The following GTF2E2 variants were observed in gnomAD, a reference collection of about 807,000 sequenced individuals.
GTF2E2 encodes transcription initiation factor IIE subunit beta.
GTF2E2 carries 21 observed loss-of-function variants against 40.5 expected under a neutral mutation model. The ratio of observed to expected loss-of-function variants is 0.52; its 90% CI spans 0.37 to 0.75. The LOEUF (loss-of-function observed/expected upper bound fraction) is 0.75. GTF2E2 is among the 30% of genes least tolerant of loss of function. The pLI is 0.00. For synonymous variants in GTF2E2, 117 were observed against 121.6 expected, an observed-to-expected ratio of 0.96 and a Z score of 0.25; for missense variants, 298 against 338.4, an observed-to-expected ratio of 0.88 and a Z score of 0.94.
rs1278224232 is a variant in GTF2E2, at chr8:30,600,479, T to C, written c.643+6578A>G. Among the ~76,000 whole-genome samples the C allele has an allele frequency of 2.0e-5, 3 of 152,218 alleles. 1 individual carries two copies. The highest frequency in any genetic ancestry group is 7.2e-5 in the African/African-American group (3 of 41,452). On this transcript the variant is annotated intron_variant, in intron 6 of 7. Transcript: ENST00000355904. ...CTCAAAGACAATGAGGTAACAATAC[T>C]ATTATTTCTATTTTACAGATGAGGA...
In GTF2E2 at chr8:30,658,126, G is replaced by A; in HGVS notation, c.-158C>T. On this transcript the variant is annotated 5_prime_UTR_variant, in exon 1 of 8. Coordinates refer to ENST00000355904, the MANE Select transcript of GTF2E2 (RefSeq NM_002095.6). ...GCCCAGCGCTGACCCGCCAGGTCGG[G>A]GTCTCACCACTGGCGGTGGCGGCGG... is the stretch of plus-strand genomic sequence containing the variant. 2 of 186,146 alleles carry A rather than the reference G, an allele frequency of 1.1e-5. No individual in the cohort carries two copies. Among genetic ancestry groups the A allele is most frequent in the South Asian group, 1.7e-4 (2 of 11,740 alleles). The allele number at this position is 186,146 out of a possible 1,614,324, so 11.5% of individuals were successfully genotyped here.
At chr8:30,610,500 G>A (rs1276893240) in intron 5 of GTF2E2, among the ~76,000 whole-genome samples, 3 of 147,070 alleles carry the variant, frequency 2.0e-5, no homozygotes, top group African/African-American at 5.0e-5. Context: ...CTGGCATGAA[G>A]AAAGACATAC....
chr8:30,588,049 T>C (rs747290221), intron 6 of GTF2E2, among the ~76,000 whole-genome samples: 1 of 152,174 alleles, frequency 6.6e-6, no homozygotes, highest in Admixed American at 6.6e-5. Context: ...TGAGAATGGT[T>C]ATCCTCAAAA....
intron 3 of GTF2E2, among the ~76,000 whole-genome samples, chr8:30,628,608 G>C (rs1038690576): frequency 6.6e-6 from 1 of 152,172 alleles, no homozygotes; most frequent in Non-Finnish European, 1.5e-5. Flanking sequence ...CTACTAATTT[G>C]CTGCAAGTTT....
chr8:30,602,347 A>G (rs1265741796), intron 6 of GTF2E2, among the ~76,000 whole-genome samples: 1 of 152,188 alleles, frequency 6.6e-6, no homozygotes, highest in Non-Finnish European at 1.5e-5. Context: ...TAAAAAATAT[A>G]TTTTAAAGAA....
At chr8:30,579,246 G>A (rs538768762) in intron 7 of GTF2E2, among the ~76,000 whole-genome samples, 5 of 152,082 alleles carry the variant, frequency 3.3e-5, no homozygotes, top group African/African-American at 7.2e-5. Flanking sequence ...GATGCCATCG[G>A]GAATGAAGGA....
At chr8:30,650,767 G>C (rs1377660618) in intron 2 of GTF2E2, among the ~76,000 whole-genome samples, 1 of 151,884 alleles carries the variant, frequency 6.6e-6, no homozygotes, top group Non-Finnish European at 1.5e-5. Context: ...TGTAATCCCA[G>C]CACTTTGGGA....
chr8:30,653,451 C>T lies in GTF2E2; in HGVS notation c.148G>A (p.Gly50Ser), dbSNP rs1802351546. The change falls in exon 2 of 8, where the codon GGC becomes AGC. Residue 50 changes from glycine to serine, a missense_variant. Coordinates refer to ENST00000355904, the MANE Select transcript of GTF2E2 (RefSeq NM_002095.6). ...KTKVEHGGSS[G>S]SKQNSDHSNG... ...TACTAACCAGAATTTTGTTTAGAGC[C>T]TGACGATCCTCCATGTTCTACCTTT... 1 of 1,613,388 alleles carries T rather than the reference C, an allele frequency of 6.2e-7. No individual in the cohort carries two copies. The highest frequency in any genetic ancestry group is 8.5e-7 in the Non-Finnish European group (1 of 1,179,646).
At chr8:30,628,206 C>A (rs1801340743) in intron 3 of GTF2E2, among the ~76,000 whole-genome samples, 1 of 152,134 alleles carries the variant, frequency 6.6e-6, no homozygotes, top group African/African-American at 2.4e-5. Flanking sequence ...CAACTGAGAA[C>A]AAGTAAGTTG....
At chr8:30,607,730 T>C (rs920036453) in intron 5 of GTF2E2, among the ~76,000 whole-genome samples, 9 of 152,210 alleles carry the variant, frequency 5.9e-5, no homozygotes, top group African/African-American at 9.6e-5. Context: ...GCAATTACTA[T>C]TTGGGTCCAT....
At chr8:30,610,056 C>T (rs1244723711) in intron 5 of GTF2E2, among the ~76,000 whole-genome samples, 1 of 152,140 alleles carries the variant, frequency 6.6e-6, no homozygotes, top group East Asian at 1.9e-4. Context: ...TCCTTTATAG[C>T]ATTGCAAGAA....
chr8:30,651,533 T>C (rs142697058), intron 2 of GTF2E2, among the ~76,000 whole-genome samples: 11 of 152,130 alleles, frequency 7.2e-5, no homozygotes, highest in South Asian at 2.1e-4. Context: ...GGTAGGAAGA[T>C]TGCTTGAGGC....
intron 6 of GTF2E2, among the ~76,000 whole-genome samples, chr8:30,592,515 T>A (rs1828878232): frequency 6.6e-6 from 1 of 152,194 alleles, no homozygotes; most frequent in Non-Finnish European, 1.5e-5. Flanking sequence ...CCATGGGGGA[T>A]TGGTTCCAGG....
intron 6 of GTF2E2, among the ~76,000 whole-genome samples, chr8:30,595,921 C>T (rs911132751): frequency 6.6e-6 from 1 of 152,098 alleles, no homozygotes; most frequent in Non-Finnish European, 1.5e-5. Context: ...TTGCTGTGTA[C>T]GGAATTCTGG....
At chr8:30,598,441 G>T (rs1047736121) in intron 6 of GTF2E2, among the ~76,000 whole-genome samples, 7 of 152,138 alleles carry the variant, frequency 4.6e-5, no homozygotes, top group Admixed American at 1.3e-4. Context: ...AGAACTGAAA[G>T]TACACTTTAA....
At chr8:30,594,253 G>C (rs1433257878) in intron 6 of GTF2E2, among the ~76,000 whole-genome samples, 1 of 148,166 alleles carries the variant, frequency 6.7e-6, no homozygotes, top group South Asian at 2.2e-4. Flanking sequence ...TATTTAAAGT[G>C]AGTTTCTTTT....
intron 5 of GTF2E2, among the ~76,000 whole-genome samples, chr8:30,608,850 G>A (rs377461609): frequency 5.3e-4 from 81 of 152,284 alleles, no homozygotes; most frequent in African/African-American, 1.7e-3. Context: ...GGTGGCTCAC[G>A]CCATTCTCCT....
chr8:30,590,194 C>A (rs1388095793), intron 6 of GTF2E2, among the ~76,000 whole-genome samples: 1 of 152,186 alleles, frequency 6.6e-6, no homozygotes, highest in African/African-American at 2.4e-5. Context: ...CACAGCATGT[C>A]CCTTTCGAAT....
chr8:30,615,858 C>T (rs191954107), intron 3 of GTF2E2, among the ~76,000 whole-genome samples: 1 of 152,082 alleles, frequency 6.6e-6, no homozygotes, highest in South Asian at 2.1e-4. Context: ...TATGTACATA[C>T]AAAAATCCAC....
Sources: gnomAD v4.1 joint callset for allele counts (sites outside exome capture counted in the v4.1 genomes callset) on GRCh38, gnomAD v4.1.1 for gene constraint, MANE v1.5 for transcripts, NCBI Gene and HGNC (gene_info 2026-07-23, HGNC 2026-07-21) for gene names.